TRPM1: variants seen among roughly 807,000 people sequenced by gnomAD.
TRPM1 encodes transient receptor potential cation channel subfamily M member 1.
A neutral mutation model predicts 149.4 loss-of-function variants in TRPM1; 113 were observed. The observed-to-expected ratio is 0.76, with a 90% CI of 0.65 to 0.88. The LOEUF is 0.88. TRPM1 is among the 40% of genes least tolerant of loss of function. The probability of loss-of-function intolerance (pLI) is 0.00; values close to 1 mark genes in which losing one functional copy is unlikely to be tolerated. For synonymous variants in TRPM1, 741 were observed against 759.5 expected (o/e 0.98, Z 0.40); for missense variants, 1,976 against 2,038.7 (o/e 0.97, Z 0.59).
intron 27 of TRPM1, among the ~76,000 whole-genome samples, chr15:31,018,616 A>G (rs997654984): frequency 6.6e-6 from 1 of 151,564 alleles, no homozygotes; most frequent in Non-Finnish European, 1.5e-5. Flanking sequence ...CAGGTGATCC[A>G]CCTGCCTCAG....
intron 4 of TRPM1, chr15:31,069,762 G>T (rs2034479585): frequency 1.4e-6 from 2 of 1,445,238 alleles, no homozygotes; most frequent in African/African-American, 2.9e-5. Flanking sequence ...GAGTGTGTTT[G>T]CAGGGTTGGG....
chr15:31,045,276 A>G (rs370457714), intron 16 of TRPM1, among the ~76,000 whole-genome samples: 17 of 152,342 alleles, frequency 1.1e-4, no homozygotes, highest in Admixed American at 9.8e-4. Context: ...AGTCAATCCT[A>G]ATATTCCACA....
chr15:31,024,251 TG>T (rs1183113552), intron 27 of TRPM1, among the ~76,000 whole-genome samples: 1 of 152,160 alleles, frequency 6.6e-6, no homozygotes, highest in Admixed American at 6.5e-5. Flanking sequence ...ATTAAAGAAA[TG>T]GCAGAAATGC....
chr15:31,073,656 G>A (rs571535893), intron 3 of TRPM1, among the ~76,000 whole-genome samples: 1 of 152,024 alleles, frequency 6.6e-6, no homozygotes, highest in Non-Finnish European at 1.5e-5. Context: ...CAAATAGAGA[G>A]TTTTACTTCT....
intron 16 of TRPM1, among the ~76,000 whole-genome samples, chr15:31,044,382 G>A (rs935242977): frequency 6.6e-6 from 1 of 152,082 alleles, no homozygotes; most frequent in Non-Finnish European, 1.5e-5. Flanking sequence ...TAATAAAATA[G>A]AAACAGAAAA....
chr15:31,038,831 A>G (rs1363035462), intron 18 of TRPM1, among the ~76,000 whole-genome samples: 1 of 152,130 alleles, frequency 6.6e-6, no homozygotes, highest in Admixed American at 6.5e-5. Flanking sequence ...AAGTAGGCCA[A>G]AAGTATTTTA....
intron 1 of TRPM1, among the ~76,000 whole-genome samples, chr15:31,090,687 C>T (rs2035212188): frequency 6.6e-6 from 1 of 151,678 alleles, no homozygotes; most frequent in African/African-American, 2.4e-5. Context: ...AAAAAATCTT[C>T]CCAACAAGTC....
At chr15:31,088,664 G>A (rs1289753215) in intron 1 of TRPM1, among the ~76,000 whole-genome samples, 1 of 152,188 alleles carries the variant, frequency 6.6e-6, no homozygotes, top group Admixed American at 6.5e-5. Context: ...TCACGGACTA[G>A]GATGGGCATT....
intron 4 of TRPM1, chr15:31,069,424 T>C: frequency 1.0e-6 from 1 of 1,002,598 alleles, no homozygotes; most frequent in African/African-American, 1.7e-5. Context: ...TTAACAATGA[T>C]GTTGGGCCAG....
Position 31,002,793 on chromosome 15 carries a change from C to G in TRPM1, c.3907G>C (p.Glu1303Gln), listed in dbSNP as rs117855013. 3.5e-4 allele frequency: 564 copies of G among 1,614,200 alleles called. 1 individual carries two copies. The highest frequency in any genetic ancestry group is 3.9e-4 in the Non-Finnish European group (462 of 1,180,032). The change falls in exon 28 of 28, where the codon GAG becomes CAG. Residue 1303 changes from glutamate (E) to glutamine (Q), a missense_variant. This residue lies in a region of TRPM1 where 572 missense variants were observed against 578.9 expected (regional missense o/e 0.99). Coordinates refer to ENST00000256552, the MANE Select transcript of TRPM1 (RefSeq NM_001252024.2). ...AGAGATGTATCCTCAAATAATAACT[C>G]TTCTCCGTTAAAATGATATCGATAC... Reference protein sequence around the residue: ...SLYRYHFNGEELLFEDTSLST... With the variant: ...SLYRYHFNGEQLLFEDTSLST...
At position 31,109,398 on chromosome 15, in the gene TRPM1, A is replaced by G. The variant is rs537311672; in HGVS notation, c.55-32414T>C. Among the ~76,000 whole-genome samples the G allele has an allele frequency of 3.3e-5, 5 of 150,690 alleles. No homozygotes were observed. The East Asian group carries it at 9.7e-4, about 29-fold the overall frequency. ...AAGAAAAGAAGAGAAAAGAAAAAAG[A>G]AAAAATAGAAAGAAGAGGCCAGGTG... On this transcript the variant is annotated intron_variant, in intron 1 of 26. Transcript: ENST00000542188.
At chr15:31,144,913 T>C (rs917186941) in intron 1 of TRPM1, among the ~76,000 whole-genome samples, 2 of 151,938 alleles carry the variant, frequency 1.3e-5, no homozygotes, top group Admixed American at 6.6e-5. Context: ...ATGGGGTTTC[T>C]TCATGTTGGT....
chr15:31,105,466 TGTGTGTGC>T (rs1435162846), upstream of TRPM1, among the ~76,000 whole-genome samples: 2,053 of 114,040 alleles, frequency 0.018, 46 homozygotes, highest in African/African-American at 0.074. Flanking sequence ...TGTGTGTGTG[TGTGTGTGC>T]GCGCGCGCGC....
chr15:31,063,154 A>T lies in TRPM1; in HGVS notation c.929T>A (p.Ile310Asn). The T allele has an allele frequency of 6.2e-7, 1 of 1,614,220 alleles. No individual in the cohort carries two copies. The highest frequency in any genetic ancestry group is 8.5e-7 in the Non-Finnish European group (1 of 1,180,034). The change falls in exon 8 of 28, where the codon ATC becomes AAC. Residue 310 changes from isoleucine (I) to asparagine (N), a missense_variant. Physicochemically the swap from Ile to Asn is moderately radical, Grantham distance 149 (BLOSUM62 -3). This residue lies in a region of TRPM1 where 1,332 missense variants were observed against 1,347.1 expected (regional missense o/e 0.99). Coordinates refer to ENST00000256552, the MANE Select transcript of TRPM1 (RefSeq NM_001252024.2). ...ACAGTACTTGTGCGCAAAGGACAGG[A>T]TGTCCGAGGCACGTCCGCTGCCATC... ...ICDGSGRASD[I>N]LSFAHKYCEE...
In TRPM1 at chr15:31,098,622, G is replaced by A. The variant is rs544282382; in HGVS notation, c.-84+3035C>T. On this transcript the variant is annotated intron_variant, in intron 1 of 27. Coordinates refer to ENST00000256552, the MANE Select transcript of TRPM1 (RefSeq NM_001252024.2). The stretch of plus-strand genomic sequence containing the variant: ...AAAGGGCACTGTGGCCATGATTCCC[G>A]AGGAGCAAGCTTTCCACCTCACCAA... Among the ~76,000 whole-genome samples, 7 of 152,182 alleles carry A rather than the reference G, an allele frequency of 4.6e-5. No individual in the cohort carries two copies. The South Asian group carries it at 8.3e-4, about 18-fold the overall frequency.
chr15:31,038,291 C>A, intron 18 of TRPM1, 125 bp from the exon 19 acceptor site: 1 of 1,116,910 alleles, frequency 9.0e-7, no homozygotes, highest in Admixed American at 2.2e-5. Flanking sequence ...AATGTTATCC[C>A]TGGTCTGACG....
intron 20 of TRPM1, chr15:31,036,113 T>G: frequency 3.2e-6 from 1 of 309,776 alleles, no homozygotes; most frequent in South Asian, 2.9e-5. Flanking sequence ...GACATGTGGA[T>G]GAGTTGCCCA....
At chr15:31,113,414 C>G (rs1220219866) in intron 1 of TRPM1, among the ~76,000 whole-genome samples, 1 of 141,168 alleles carries the variant, frequency 7.1e-6, no homozygotes, top group Non-Finnish European at 1.5e-5. Context: ...ATACAGAATT[C>G]AATACCCAGC....
intron 1 of TRPM1, among the ~76,000 whole-genome samples, chr15:31,108,619 A>T (rs2035641296): frequency 6.6e-6 from 1 of 152,164 alleles, no homozygotes; most frequent in Non-Finnish European, 1.5e-5. Flanking sequence ...TCAGCCTGCC[A>T]AGTAGCTGGG....
Sources: gnomAD v4.1 joint callset for allele counts (sites outside exome capture counted in the v4.1 genomes callset) on GRCh38, gnomAD v4.1.1 for gene constraint, gnomAD v4.1.1 regional missense constraint, MANE v1.5 for transcripts, NCBI Gene and HGNC (gene_info 2026-07-23, HGNC 2026-07-21) for gene names.